Variants in COL10A1 observed in about 807,000 individuals in gnomAD.
The protein encoded by COL10A1 is collagen type X alpha 1 chain.
COL10A1 carries 10 observed loss-of-function variants against 18.2 expected under a neutral mutation model. The ratio of observed to expected loss-of-function variants is 0.55; its 90% CI spans 0.34 to 0.93. The LOEUF (loss-of-function observed/expected upper bound fraction) is 0.93, where lower values mean the gene tolerates loss of function less well. Ranked by LOEUF, COL10A1 falls within the 40% of genes least tolerant of loss-of-function variation. The probability of loss-of-function intolerance (pLI) is 0.02; values close to 1 mark genes in which losing one functional copy is unlikely to be tolerated. For missense variants in COL10A1, 897 were observed against 853.5 expected (o/e 1.05, Z -0.64); for synonymous variants, 330 against 316.6 (o/e 1.04, Z -0.45).
chr6:116,154,520 CA>C (rs1780131942), intron 1 of COL10A1, among the ~76,000 whole-genome samples: 1 of 151,850 alleles, frequency 6.6e-6, no homozygotes, highest in South Asian at 2.1e-4. Flanking sequence ...AGTCTTCCAA[CA>C]AATGCTGATG....
At chr6:116,192,094 G>C in the COL10A1 span, among the ~76,000 whole-genome samples, 9 of 152,014 alleles carry the variant, frequency 5.9e-5, no homozygotes, top group African/African-American at 2.2e-4. Flanking sequence ...TTAAGAATTT[G>C]TCATGTGGAC....
chr6:116,200,698 T>G, the COL10A1 span, among the ~76,000 whole-genome samples: 1 of 152,118 alleles, frequency 6.6e-6, no homozygotes, highest in Admixed American at 6.6e-5. Context: ...AACTTCTCTC[T>G]CTGGGTGATA....
the COL10A1 span, among the ~76,000 whole-genome samples, chr6:116,170,067 A>G: frequency 6.6e-6 from 1 of 152,240 alleles, no homozygotes; most frequent in East Asian, 1.9e-4. Flanking sequence ...GACATTGTCC[A>G]TAGCTAATCC....
intron 1 of COL10A1, among the ~76,000 whole-genome samples, chr6:116,140,194 A>G (rs1779731899): frequency 6.6e-6 from 1 of 152,068 alleles, no homozygotes. Flanking sequence ...ATTTTCAAGT[A>G]TTCCTCTTCT....
At chr6:116,135,532 T>C (rs1051361916) in intron 1 of COL10A1, among the ~76,000 whole-genome samples, 3 of 151,898 alleles carry the variant, frequency 2.0e-5, no homozygotes, top group African/African-American at 7.3e-5. Context: ...TTTTTCTCAT[T>C]AAAATCTTAG....
At chr6:116,179,921 A>C in the COL10A1 span, among the ~76,000 whole-genome samples, 1 of 152,152 alleles carries the variant, frequency 6.6e-6, no homozygotes, top group African/African-American at 2.4e-5. Context: ...CTCTGAAGCA[A>C]GTTCACATTT....
the COL10A1 span, among the ~76,000 whole-genome samples, chr6:116,199,053 T>C: frequency 6.6e-6 from 1 of 152,152 alleles, no homozygotes; most frequent in Non-Finnish European, 1.5e-5. Flanking sequence ...CACTGGCCTC[T>C]ATCCACTAGA....
At chr6:116,172,061 A>G in the COL10A1 span, among the ~76,000 whole-genome samples, 1 of 152,164 alleles carries the variant, frequency 6.6e-6, no homozygotes, top group Non-Finnish European at 1.5e-5. Flanking sequence ...TTCCATCCAC[A>G]CATCTATGGT....
Position 116,120,289 on chromosome 6 carries a change from A to G in COL10A1, c.1827T>C (p.His609=). Residue 609 remains histidine (H), a synonymous_variant, in exon 3 of 3, where the codon CAT becomes CAC. Coordinates refer to ENST00000651968, the MANE Select transcript of COL10A1 (RefSeq NM_000493.4). ...CATTCTTATACAGGCCTACCCAAACATGAGTCCCTTTCACATGCACGTGGT... is the reference window on the plus strand; with the variant it reads ...CATTCTTATACAGGCCTACCCAAACGTGAGTCCCTTTCACATGCACGTGGT... ...FSYHVHVKGT[H]VWVGLYKNGT... 1.2e-6 allele frequency: 2 copies of G among 1,614,220 alleles called. No homozygotes were observed. Among genetic ancestry groups the G allele is most frequent in the Non-Finnish European group, 1.7e-6 (2 of 1,180,036 alleles).
intron 1 of COL10A1, among the ~76,000 whole-genome samples, chr6:116,150,712 G>A (rs1324323007): frequency 2.6e-5 from 4 of 152,070 alleles, no homozygotes; most frequent in Non-Finnish European, 5.9e-5. Flanking sequence ...TTGTAAGCTA[G>A]TTTTTATTTG....
the COL10A1 span, among the ~76,000 whole-genome samples, chr6:116,193,836 C>T: frequency 6.6e-6 from 1 of 151,944 alleles, no homozygotes; most frequent in African/African-American, 2.4e-5. Flanking sequence ...TTTGGGAGGC[C>T]GAAACAGGCA....
chr6:116,165,654 G>C, the COL10A1 span, among the ~76,000 whole-genome samples: 5,161 of 152,282 alleles, frequency 0.034, 279 homozygotes, highest in African/African-American at 0.11. Context: ...CCAACCACCA[G>C]TACCACCCCA....
At chr6:116,122,818 A>AT (rs953621650) in intron 2 of COL10A1, among the ~76,000 whole-genome samples, 15 of 151,742 alleles carry the variant, frequency 9.9e-5, no homozygotes, top group South Asian at 2.1e-4. Context: ...TCAGATTTAG[A>AT]TTTTTTTTTA....
At chr6:116,164,193 T>C in the COL10A1 span, among the ~76,000 whole-genome samples, 1 of 152,250 alleles carries the variant, frequency 6.6e-6, no homozygotes, top group Non-Finnish European at 1.5e-5. Context: ...GATGTCGAAG[T>C]TTCCCACTAT....
the COL10A1 span, among the ~76,000 whole-genome samples, chr6:116,196,671 A>G: frequency 3.3e-5 from 5 of 151,988 alleles, no homozygotes; most frequent in Non-Finnish European, 7.4e-5. Flanking sequence ...TGTGTCTGCT[A>G]TGACATTTTA....
the COL10A1 span, among the ~76,000 whole-genome samples, chr6:116,201,926 A>G: frequency 6.6e-6 from 1 of 151,994 alleles, no homozygotes; most frequent in Non-Finnish European, 1.5e-5. Context: ...TTATGCACCT[A>G]CAGCTGATAA....
At chr6:116,185,494 G>T in the COL10A1 span, among the ~76,000 whole-genome samples, 1 of 151,830 alleles carries the variant, frequency 6.6e-6, no homozygotes. Flanking sequence ...TGTTGCTGTT[G>T]ATCTCATTTT....
At chr6:116,210,779 A>G in the COL10A1 span, among the ~76,000 whole-genome samples, 1 of 152,092 alleles carries the variant, frequency 6.6e-6, no homozygotes, top group African/African-American at 2.4e-5. Context: ...AATTCCTCAG[A>G]TACAATGCTG....
chr6:116,202,907 A>G, the COL10A1 span, among the ~76,000 whole-genome samples: 1 of 152,034 alleles, frequency 6.6e-6, no homozygotes, highest in Non-Finnish European at 1.5e-5. Flanking sequence ...AAAGGCAACA[A>G]ATATTACTAG....
Sources: gnomAD v4.1 joint callset for allele counts (sites outside exome capture counted in the v4.1 genomes callset) on GRCh38, gnomAD v4.1.1 for gene constraint, MANE v1.5 for transcripts, NCBI Gene and HGNC (gene_info 2026-07-23, HGNC 2026-07-21) for gene names.